RFTN1: variants seen among roughly 807,000 people sequenced by gnomAD.
RFTN1 encodes raftlin, lipid raft linker 1, also known as raftlin.
RFTN1 carries 26 observed loss-of-function variants against 46.5 expected under a neutral mutation model. That is an observed-to-expected ratio of 0.56 (90% CI 0.41 to 0.78). The LOEUF (loss-of-function observed/expected upper bound fraction) is 0.78, where lower values mean the gene tolerates loss of function less well. Ranked by LOEUF, RFTN1 falls within the 30% of genes least tolerant of loss-of-function variation. RFTN1 has a pLI of 0.00. For missense variants in RFTN1, 693 were observed against 718.7 expected (o/e 0.96, Z 0.41); for synonymous variants, 261 against 284.2 (o/e 0.92, Z 0.82).
chr3:16,405,727 T>C (rs1428165492), intron 4 of RFTN1, among the ~76,000 whole-genome samples: 1 of 152,190 alleles, frequency 6.6e-6, no homozygotes, highest in Non-Finnish European at 1.5e-5. Flanking sequence ...ACTGGGGCAT[T>C]GTTCTTATGA....
intron 7 of RFTN1, among the ~76,000 whole-genome samples, chr3:16,343,273 C>CTGGG (rs1239953834): frequency 2.0e-5 from 3 of 152,198 alleles, no homozygotes; most frequent in Non-Finnish European, 4.4e-5. Flanking sequence ...ACACCAGCAT[C>CTGGG]TGGGAGTTGA....
intron 1 of RFTN1, among the ~76,000 whole-genome samples, chr3:16,508,934 G>T (rs143393274): frequency 3.2e-4 from 48 of 152,276 alleles, no homozygotes; most frequent in African/African-American, 9.9e-4. Flanking sequence ...ACCACACGTG[G>T]CTCTGGGCCA....
intron 1 of RFTN1, among the ~76,000 whole-genome samples, chr3:16,510,673 T>C (rs2076882690): frequency 6.6e-6 from 1 of 152,196 alleles, no homozygotes; most frequent in Admixed American, 6.5e-5. Context: ...TCTTTGCTGG[T>C]GAGACTGTAA....
intron 2 of RFTN1, among the ~76,000 whole-genome samples, chr3:16,435,141 T>C (rs1283794984): frequency 2.0e-5 from 3 of 152,234 alleles, no homozygotes; most frequent in Non-Finnish European, 4.4e-5. Context: ...TATTATCTTT[T>C]TGTGTGTATA....
Position 16,442,999 on chromosome 3 carries a change from GT to G in RFTN1, c.146-8963del, listed in dbSNP as rs2075660148. Among the ~76,000 whole-genome samples, 1 of 152,202 alleles carries G rather than the reference GT, an allele frequency of 6.6e-6. No individual in the cohort carries two copies. Among genetic ancestry groups the G allele is most frequent in the South Asian group, 2.1e-4 (1 of 4,834 alleles). ...TCATCTATTGATGGACATGTAGGTT[GT>G]TTCCATATCCTGGCTATTGTGAATA... On this transcript the variant is annotated intron_variant, in intron 2 of 9. Transcript: ENST00000334133. This position sits in a 1 kb window ranked among gnomAD's most constrained non-coding sequence, Gnocchi z 4.1.
At chr3:16,391,882 G>GT (rs1295347779) in intron 4 of RFTN1, among the ~76,000 whole-genome samples, 664 of 23,456 alleles carry the variant, frequency 0.028, 23 homozygotes, top group Middle Eastern at 0.079. Flanking sequence ...TTTTTTTTTT[G>GT]TTTTTTTTTT....
In RFTN1 at chr3:16,348,260, C is replaced by T. The variant is rs988730569; in HGVS notation, c.1146+9672G>A. On this transcript the variant is annotated intron_variant, in intron 7 of 9. Coordinates refer to ENST00000334133, the MANE Select transcript of RFTN1 (RefSeq NM_015150.2). The surrounding 1 kb of genome is among the most constrained non-coding windows in gnomAD (Gnocchi z 6.3). ...AAAGGAAGCCGAGGCATCTAGATCA[C>T]TGACATTATCCATAATCAGAGGCGT... 1.3e-5 allele frequency among the ~76,000 whole-genome samples: 2 copies of T among 152,096 alleles called. No individual in the cohort carries two copies. The highest frequency in any genetic ancestry group is 4.8e-5 in the African/African-American group (2 of 41,386).
chr3:16,424,164 G>GTTTC lies in RFTN1; in HGVS notation c.332+9683_332+9686dup, dbSNP rs2075246444. ...AAAATTCTCAGAATTCTCTGAGGATGTTTCTATAAGCTCTGGGGCCTCTGA... is the reference window on the plus strand; with the variant it reads ...AAAATTCTCAGAATTCTCTGAGGATGTTTCTTTCTATAAGCTCTGGGGCCTCTGA... On this transcript the variant is annotated intron_variant, in intron 3 of 9. Transcript: ENST00000334133. The surrounding 1 kb of genome is among the most constrained non-coding windows in gnomAD (Gnocchi z 4.7). 6.6e-6 allele frequency among the ~76,000 whole-genome samples: 1 copy of GTTTC among 152,088 alleles called. No individual in the cohort carries two copies. The highest frequency in any genetic ancestry group is 2.4e-5 in the African/African-American group (1 of 41,406).
At chr3:16,417,009 C>CTTTTTTTTT (rs72060599) in intron 3 of RFTN1, among the ~76,000 whole-genome samples, 1 of 121,296 alleles carries the variant, frequency 8.2e-6, no homozygotes, top group Non-Finnish European at 1.7e-5. Flanking sequence ...TTTTCTTTTT[C>CTTTTTTTTT]TTTTTTTTTT....
At chr3:16,490,178 G>A (rs1320486502) in intron 2 of RFTN1, among the ~76,000 whole-genome samples, 1 of 152,156 alleles carries the variant, frequency 6.6e-6, no homozygotes, top group Admixed American at 6.5e-5. Context: ...AACAAGGCTT[G>A]GTCCTTGCCC....
intron 3 of RFTN1, chr3:16,416,285 C>A (rs1256777392): frequency 4.5e-6 from 2 of 445,172 alleles, no homozygotes; most frequent in Non-Finnish European, 9.0e-6. Context: ...TAATAATGCA[C>A]ATAAACAGAG....
chr3:16,399,501 C>T (rs193162672), intron 4 of RFTN1, among the ~76,000 whole-genome samples: 141 of 152,286 alleles, frequency 9.3e-4, no homozygotes, highest in Non-Finnish European at 1.5e-3. Context: ...ACTCCTCCAT[C>T]GCTGAAATGC....
chr3:16,320,002 G>C lies in RFTN1; in HGVS notation c.1333-2770C>G, dbSNP rs114978931. Among the ~76,000 whole-genome samples, 1,687 of 152,346 alleles carry C rather than the reference G, an allele frequency of 0.011. 32 individuals are homozygous for C. Among genetic ancestry groups the C allele is most frequent in the African/African-American group, 0.038 (1,597 of 41,580 alleles). ...TTCCCAAGCCAGAGCATCTGTGGCA[G>C]TTGGGTGTGTCACCAAATCCAATTA... On this transcript the variant is annotated intron_variant, in intron 9 of 9. Transcript: ENST00000334133. This position sits in a 1 kb window ranked among gnomAD's most constrained non-coding sequence, Gnocchi z 4.5.
Position 16,387,396 on chromosome 3 carries a change from C to T in RFTN1, c.442-9294G>A, listed in dbSNP as rs114680981. Among the ~76,000 whole-genome samples, 468 of 152,240 alleles carry T rather than the reference C, an allele frequency of 3.1e-3. 3 individuals are homozygous for T. The highest frequency in any genetic ancestry group is 0.01 in the African/African-American group (422 of 41,550). On this transcript the variant is annotated intron_variant, in intron 4 of 9. Coordinates refer to ENST00000334133, the MANE Select transcript of RFTN1 (RefSeq NM_015150.2). This position sits in a 1 kb window ranked among gnomAD's most constrained non-coding sequence, Gnocchi z 5.2. Reference sequence around the variant, plus strand: ...TCCAGAGATGACTTAAAGACAAAATCGAGGTCAGAAGCTGAGAAGCCCATC... The same window carrying T: ...TCCAGAGATGACTTAAAGACAAAATTGAGGTCAGAAGCTGAGAAGCCCATC...
At chr3:16,416,001 G>GAAA in intron 3 of RFTN1, 1 of 249,358 alleles carries the variant, frequency 4.0e-6, no homozygotes, top group Non-Finnish European at 8.1e-6. Flanking sequence ...TTGGCTCCTT[G>GAAA]AAAAAAAAAA....
chr3:16,395,958 A>T (rs2074457890), intron 4 of RFTN1, among the ~76,000 whole-genome samples: 1 of 152,216 alleles, frequency 6.6e-6, no homozygotes, highest in African/African-American at 2.4e-5. Flanking sequence ...ATCTCATTAT[A>T]TGTTGAAAAG....
At position 16,342,218 on chromosome 3, in the gene RFTN1, G is replaced by A. The variant is rs1445962048; in HGVS notation, c.1147-15342C>T. Reference sequence around the variant, plus strand: ...ACTCCCCTTTCCCCCCACCCACCCCGAGGCAACCACGAGTCCACTTTTTGT... The same window carrying A: ...ACTCCCCTTTCCCCCCACCCACCCCAAGGCAACCACGAGTCCACTTTTTGT... On this transcript the variant is annotated intron_variant, in intron 7 of 9. Coordinates refer to ENST00000334133, the MANE Select transcript of RFTN1 (RefSeq NM_015150.2). The surrounding 1 kb of genome is among the most constrained non-coding windows in gnomAD (Gnocchi z 4.0). 2.2e-5 allele frequency among the ~76,000 whole-genome samples: 3 copies of A among 139,294 alleles called. No homozygotes were observed. Among genetic ancestry groups the A allele is most frequent in the Admixed American group, 1.4e-4 (2 of 14,026 alleles). The allele number at this position is 139,294 out of a possible 152,430, so 91.4% of individuals were successfully genotyped here. A position where few individuals can be genotyped will look rare whatever the true frequency, so the allele number is the denominator to read the frequency against.
In RFTN1 at chr3:16,481,776, C is replaced by T. The variant is rs752696895; in HGVS notation, c.145+11949G>A. ...AAGAAACAGATGGTTTCACAGAAGT[C>T]AATGTTACCTAGAGGAGCAAGGAGC... On this transcript the variant is annotated intron_variant, in intron 2 of 9. Coordinates refer to ENST00000334133, the MANE Select transcript of RFTN1 (RefSeq NM_015150.2). The surrounding 1 kb of genome is among the most constrained non-coding windows in gnomAD (Gnocchi z 5.1). Among the ~76,000 whole-genome samples the T allele has an allele frequency of 7.2e-5, 11 of 152,070 alleles. No homozygotes were observed. The highest frequency in any genetic ancestry group is 1.5e-4 in the Non-Finnish European group (10 of 68,006).
intron 7 of RFTN1, chr3:16,349,571 A>G (rs2071956602): frequency 6.6e-6 from 1 of 152,270 alleles, no homozygotes; most frequent in African/African-American, 2.4e-5. Context: ...ACGCCATTTA[A>G]AATCATGCTC....
Sources: allele counts gnomAD v4.1 joint callset (sites outside exome capture counted in the v4.1 genomes callset), GRCh38; gene constraint gnomAD v4.1.1; non-coding constraint Gnocchi (gnomAD v3.1); transcripts MANE v1.5; gene names NCBI Gene and HGNC (gene_info 2026-07-23, HGNC 2026-07-21).